Variants in KHDRBS2 observed in about 807,000 individuals in gnomAD.
The protein encoded by KHDRBS2 is KH domain-containing, RNA-binding, signal transduction-associated protein 2.
Under a neutral mutation model 44.3 loss-of-function variants are expected in KHDRBS2, and 26 were observed. The ratio of observed to expected loss-of-function variants is 0.59; its 90% CI spans 0.43 to 0.81. The LOEUF is 0.81. Among genes scored for constraint, KHDRBS2 ranks in the 40% least tolerant of loss-of-function variants. The pLI, the probability that KHDRBS2 is intolerant of heterozygous loss-of-function variation, is 0.00. For synonymous variants in KHDRBS2, 194 were observed against 151.1 expected (o/e 1.28, Z -2.08); for missense variants, 476 against 433.1 (o/e 1.10, Z -0.88).
intron 3 of KHDRBS2, among the ~76,000 whole-genome samples, chr6:62,034,334 A>G (rs1243621957): frequency 2.0e-5 from 3 of 151,936 alleles, no homozygotes; most frequent in Non-Finnish European, 4.4e-5. Context: ...CTATAAGCCC[A>G]GTACCCTGAT....
intron 2 of KHDRBS2, among the ~76,000 whole-genome samples, chr6:62,114,200 T>G (rs562441611): frequency 6.6e-6 from 1 of 152,192 alleles, no homozygotes; most frequent in South Asian, 2.1e-4. Flanking sequence ...AGATGAGATT[T>G]GGGTGGGACA....
At chr6:61,552,090 A>T in the KHDRBS2 span, among the ~76,000 whole-genome samples, 1 of 151,946 alleles carries the variant, frequency 6.6e-6, no homozygotes, top group African/African-American at 2.4e-5. Flanking sequence ...CATTGAATTT[A>T]TAAATTGCCT....
chr6:62,002,361 A>G (rs1778414531), intron 3 of KHDRBS2, among the ~76,000 whole-genome samples: 1 of 151,948 alleles, frequency 6.6e-6, no homozygotes, highest in African/African-American at 2.4e-5. Context: ...TATTTATTAT[A>G]TATCTGTGCA....
the KHDRBS2 span, among the ~76,000 whole-genome samples, chr6:61,622,943 A>G: frequency 1.3e-5 from 2 of 152,126 alleles, no homozygotes; most frequent in Non-Finnish European, 2.9e-5. Context: ...AAGAGAGCCA[A>G]TTTGGAGGTG....
intron 2 of KHDRBS2, among the ~76,000 whole-genome samples, chr6:62,112,875 T>G (rs1382784433): frequency 6.6e-6 from 1 of 152,144 alleles, no homozygotes; most frequent in Non-Finnish European, 1.5e-5. Flanking sequence ...GGAATTATCA[T>G]GTAGGTGAAA....
the KHDRBS2 span, among the ~76,000 whole-genome samples, chr6:61,610,407 A>C: frequency 1.3e-5 from 2 of 152,202 alleles, no homozygotes; most frequent in African/African-American, 2.4e-5. Flanking sequence ...ATCATAAAAA[A>C]TTATAATCTC....
chr6:62,073,474 A>C (rs185606995), intron 2 of KHDRBS2, among the ~76,000 whole-genome samples: 2 of 137,966 alleles, frequency 1.4e-5, no homozygotes, highest in Non-Finnish European at 1.6e-5. Flanking sequence ...TTGTTTGCTA[A>C]TTTTGCTCAT....
intron 1 of KHDRBS2, among the ~76,000 whole-genome samples, chr6:62,263,331 T>C (rs1401869381): frequency 6.6e-6 from 1 of 151,708 alleles, no homozygotes; most frequent in Admixed American, 6.6e-5. Context: ...TTTAGTATGT[T>C]TGGGATCTAG....
chr6:61,592,042 C>A, the KHDRBS2 span, among the ~76,000 whole-genome samples: 27 of 151,840 alleles, frequency 1.8e-4, 1 homozygote, highest in African/African-American at 6.0e-4. Context: ...ACAGAAAAAA[C>A]TAGCCCAGTG....
At chr6:62,282,195 C>T (rs142923639) in intron 1 of KHDRBS2, among the ~76,000 whole-genome samples, 1 of 152,202 alleles carries the variant, frequency 6.6e-6, no homozygotes, top group East Asian at 1.9e-4. Context: ...GTAGTTAACT[C>T]ACAAGTTTGC....
intron 6 of KHDRBS2, among the ~76,000 whole-genome samples, chr6:61,742,447 G>A (rs191652540): frequency 1.3e-5 from 2 of 152,038 alleles, no homozygotes; most frequent in Admixed American, 1.3e-4. Flanking sequence ...TAATGCTTGT[G>A]TATTCTCTTG....
At chr6:61,701,940 C>G (rs750386499) in intron 7 of KHDRBS2, among the ~76,000 whole-genome samples, 1 of 151,904 alleles carries the variant, frequency 6.6e-6, no homozygotes, top group South Asian at 2.1e-4. Context: ...AAGAACTACA[C>G]CAATACTTAA....
chr6:61,935,698 A>G (rs1810894661), intron 4 of KHDRBS2, among the ~76,000 whole-genome samples: 1 of 152,154 alleles, frequency 6.6e-6, no homozygotes, highest in Non-Finnish European at 1.5e-5. Flanking sequence ...TTAGGATTGA[A>G]TGAGGGTTGT....
At chr6:62,151,081 G>A (rs1288071094) in intron 2 of KHDRBS2, among the ~76,000 whole-genome samples, 1 of 152,072 alleles carries the variant, frequency 6.6e-6, no homozygotes, top group African/African-American at 2.4e-5. Context: ...TCAGGGGTGG[G>A]AGCATATATG....
intron 5 of KHDRBS2, among the ~76,000 whole-genome samples, chr6:61,895,205 A>G (rs1802737787): frequency 6.6e-6 from 1 of 151,732 alleles, no homozygotes; most frequent in South Asian, 2.1e-4. Context: ...CACAAATCAG[A>G]GCATCGTCTG....
chr6:61,778,054 C>G (rs60613287), intron 6 of KHDRBS2, among the ~76,000 whole-genome samples: 1 of 152,020 alleles, frequency 6.6e-6, no homozygotes, highest in East Asian at 1.9e-4. Context: ...TGTTCATGAC[C>G]ACTCCTATTC....
In KHDRBS2 at chr6:61,817,140, A is replaced by T. The variant is rs534830584; in HGVS notation, c.810+77495T>A. 117 of 322,390 alleles carry T rather than the reference A, an allele frequency of 3.6e-4. 1 individual carries two copies. The highest frequency in any genetic ancestry group is 2.3e-3 in the South Asian group (88 of 38,706). 20.0% of individuals were successfully genotyped at this position (322,390 alleles called of 1,614,324 possible). ...CAAAGAATGTAAATGCTGCCCACTG[A>T]ATGATGACTCAATTCCAAAATGATG... is the stretch of plus-strand genomic sequence containing the variant. On this transcript the variant is annotated intron_variant, in intron 6 of 8. Coordinates refer to ENST00000281156, the MANE Select transcript of KHDRBS2 (RefSeq NM_152688.4).
At chr6:62,235,203 C>T (rs532662883) in intron 1 of KHDRBS2, among the ~76,000 whole-genome samples, 3 of 149,846 alleles carry the variant, frequency 2.0e-5, no homozygotes, top group Admixed American at 6.8e-5. Flanking sequence ...GTAAATTGTT[C>T]AAGAAATGCT....
rs371756247 is a variant in KHDRBS2, at chr6:61,728,777, G to A, written c.893+3905C>T. ...ATTGATAAATAGATACTCCAAAAAT[G>A]TTCACAACAGCTGTTTCTGGGTGAC... On this transcript the variant is annotated intron_variant, in intron 7 of 8. Coordinates refer to ENST00000281156, the MANE Select transcript of KHDRBS2 (RefSeq NM_152688.4). Among the ~76,000 whole-genome samples, 342 of 152,210 alleles carry A rather than the reference G, an allele frequency of 2.2e-3. 2 individuals are homozygous for A. The highest frequency in any genetic ancestry group is 8.0e-3 in the African/African-American group (333 of 41,560).
Sources: allele counts gnomAD v4.1 joint callset (sites outside exome capture counted in the v4.1 genomes callset), GRCh38; gene constraint gnomAD v4.1.1; transcripts MANE v1.5; gene names NCBI Gene and HGNC (gene_info 2026-07-23, HGNC 2026-07-21).